The following EVPLL variants were observed in gnomAD, a reference collection of about 807,000 sequenced individuals.
EVPLL encodes the protein envoplakin-like protein.
Under a neutral mutation model 46.2 loss-of-function variants are expected in EVPLL, and 39 were observed. The observed-to-expected ratio is 0.84, with a 90% CI of 0.65 to 1.10. EVPLL has a LOEUF of 1.10. Ranked by LOEUF, EVPLL falls within the 50% of genes least tolerant of loss-of-function variation. The probability of loss-of-function intolerance (pLI) is 0.00; values close to 1 mark genes in which losing one functional copy is unlikely to be tolerated. For synonymous variants in EVPLL, 156 were observed against 165.8 expected, an observed-to-expected ratio of 0.94 and a Z score of 0.46; for missense variants, 385 against 412.6, an observed-to-expected ratio of 0.93 and a Z score of 0.58.
chr17:18,382,922 G>C, intron 6 of EVPLL, 58 bp downstream of exon 6: 2 of 1,598,768 alleles, frequency 1.3e-6, no homozygotes, highest in Non-Finnish European at 1.7e-6. Context: ...TGGCCGCCCG[G>C]ACCCTGCCCG....
rs953326948 is a variant in EVPLL at position 18,388,065 on chromosome 17, A to T, written c.877-154A>T. ...ATACATATATATGTATATATATATA[A>T]AATTTATTTATAGTGTGTGTAATGG... On this transcript the variant is annotated intron_variant, in intron 9 of 10. Transcript: ENST00000399134. The T allele has an allele frequency of 1.5e-3, 199 of 136,920 alleles. 1 individual carries two copies. The highest frequency in any genetic ancestry group is 2.4e-3 in the Middle Eastern group (1 of 424). 8.5% of individuals were successfully genotyped at this position (136,920 alleles called of 1,614,324 possible).
intron 10 of EVPLL, 98 bp from the exon 11 acceptor site, chr17:18,388,759 C>T (rs9895454): frequency 0.25 from 37,647 of 152,890 alleles, 5,010 homozygotes; most frequent in African/African-American, 0.34. Flanking sequence ...TGAACACCAC[C>T]GCTCAGGGGT....
intron 4 of EVPLL, 45 bp from the exon 5 acceptor site, chr17:18,382,468 C>G: frequency 6.5e-7 from 1 of 1,548,844 alleles, no homozygotes; most frequent in Non-Finnish European, 8.7e-7. Flanking sequence ...TTCTCTGGCT[C>G]TCCACCCTGG....
chr17:18,382,668 G>T, intron 5 of EVPLL, 30 bp downstream of exon 5: 1 of 1,552,280 alleles, frequency 6.4e-7, no homozygotes, highest in Non-Finnish European at 8.7e-7. Context: ...GTTACATCCG[G>T]GGCCAGCCCC....
intron 4 of EVPLL, chr17:18,382,252 G>T (rs558514171): frequency 2.8e-5 from 12 of 425,658 alleles, no homozygotes; most frequent in African/African-American, 2.2e-4. Context: ...GCAGGATGGA[G>T]CTGGAGACTT....
Position 18,381,095 on chromosome 17 carries a change from ATGG to A in EVPLL, c.63+98_63+100del, listed in dbSNP as rs1987553020. Reference sequence around the variant, plus strand: ...GGCACTCCCTGAGTGCCCCCTGGTGATGGTGAAGATGGGACAGATGACATTTGT... The same window carrying A: ...GGCACTCCCTGAGTGCCCCCTGGTGATGAAGATGGGACAGATGACATTTGT... On this transcript the variant is annotated intron_variant, in intron 2 of 10. Coordinates refer to ENST00000399134, the MANE Select transcript of EVPLL (RefSeq NM_001145127.2). The surrounding 1 kb of genome is among the most constrained non-coding windows in gnomAD (Gnocchi z 4.2). 7.0e-7 allele frequency: 1 copy of A among 1,424,808 alleles called. No homozygotes were observed. Among genetic ancestry groups the A allele is most frequent in the Non-Finnish European group, 9.6e-7 (1 of 1,036,326 alleles). The allele number at this position is 1,424,808 out of a possible 1,614,324, so 88.3% of individuals were successfully genotyped here.
Position 18,381,912 on chromosome 17 carries a change from G to A in EVPLL, c.346+182G>A. On this transcript the variant is annotated intron_variant, in intron 4 of 10. Transcript: ENST00000399134. The surrounding 1 kb of genome is among the most constrained non-coding windows in gnomAD (Gnocchi z 4.2). ...CTTCCTGTAGGAGGAGGCACATGAA[G>A]AGACCTCAGAGGGGTGAGAGGGCTC... 1.0e-6 allele frequency: 1 copy of A among 966,558 alleles called. No individual in the cohort carries two copies. Among genetic ancestry groups the A allele is most frequent in the East Asian group, 2.6e-5 (1 of 38,110 alleles). 59.9% of individuals were successfully genotyped at this position (966,558 alleles called of 1,614,324 possible). A position where few individuals can be genotyped will look rare whatever the true frequency, so the allele number is the denominator to read the frequency against.
Position 18,383,026 on chromosome 17 carries a change from G to C in EVPLL, c.513G>C (p.Glu171Asp). The C allele has an allele frequency of 1.9e-6, 3 of 1,558,670 alleles. No homozygotes were observed. The highest frequency in any genetic ancestry group is 2.6e-6 in the Non-Finnish European group (3 of 1,157,774). The part of the protein sequence containing the change: ...HHPEPIPRPT[E>D]GGVVARAEPG... ...GCTGGCGGCGGGTCCTGAGCACAGAGGGCGGCGTCGTGGCGCGGGCAGAGC... is the reference window on the plus strand; with the variant it reads ...GCTGGCGGCGGGTCCTGAGCACAGACGGCGGCGTCGTGGCGCGGGCAGAGC... Residue 171 changes from glutamate to aspartate, a missense_variant and splice_region_variant, in exon 7 of 11, where the codon GAG becomes GAC. Physicochemically the swap from Glu to Asp is conservative, Grantham distance 45. Transcript: ENST00000399134.
chr17:18,381,060 C>T lies in EVPLL; in HGVS notation c.63+60C>T. On this transcript the variant is annotated intron_variant, in intron 2 of 10. Transcript: ENST00000399134. The surrounding 1 kb of genome is among the most constrained non-coding windows in gnomAD (Gnocchi z 4.2). The stretch of plus-strand genomic sequence containing the variant: ...AGGCTGGGTGGCATGGGAGGCCCAT[C>T]ATCAGGCCTGGCACTCCCTGAGTGC... The T allele has an allele frequency of 1.3e-6, 2 of 1,540,838 alleles. No homozygotes were observed. The highest frequency in any genetic ancestry group is 2.1e-4 in the Middle Eastern group (1 of 4,722).
intron 9 of EVPLL, among the ~76,000 whole-genome samples, chr17:18,384,868 C>G (rs893415442): frequency 2.6e-5 from 4 of 152,138 alleles, no homozygotes; most frequent in African/African-American, 7.2e-5. Context: ...GGTGCTCCTC[C>G]CACTCACTGG....
At position 18,383,304 on chromosome 17, in the gene EVPLL, C is replaced by T. The variant is rs1478451902; in HGVS notation, c.706C>T (p.Gln236Ter). 1 of 1,602,236 alleles carries T rather than the reference C, an allele frequency of 6.2e-7. No individual in the cohort carries two copies. Among genetic ancestry groups the T allele is most frequent in the African/African-American group, 1.3e-5 (1 of 74,678 alleles). The change falls in exon 8 of 11, where the codon CAG becomes TAG. Residue 236 changes from glutamine to a stop codon, truncating the protein, a stop_gained. Coordinates refer to ENST00000399134, the MANE Select transcript of EVPLL (RefSeq NM_001145127.2). LOFTEE classifies it high-confidence loss of function. ...GCAGCACGAGCTGCTGAGCCAGGAGCAGAGCGTAAACCAGCTGGAGGAGGA... is the reference window on the plus strand; with the variant it reads ...GCAGCACGAGCTGCTGAGCCAGGAGTAGAGCGTAAACCAGCTGGAGGAGGA... ...FKQHELLSQEQSVNQLEEDGK... is the reference protein window; with the variant it reads ...FKQHELLSQE
chr17:18,382,670 GCCAGCC>G, intron 5 of EVPLL, 32 bp downstream of exon 5: 1 of 1,551,976 alleles, frequency 6.4e-7, no homozygotes, highest in Non-Finnish European at 8.7e-7. Context: ...TACATCCGGG[GCCAGCC>G]CCAGCCCCTG....
At chr17:18,382,917 G>A in intron 6 of EVPLL, 53 bp downstream of exon 6, 4 of 1,601,058 alleles carry the variant, frequency 2.5e-6, no homozygotes, top group Non-Finnish European at 3.4e-6. Flanking sequence ...CTGGGTGGCC[G>A]CCCGGACCCT....
chr17:18,379,276 C>T (rs1303371058), intron 1 of EVPLL, among the ~76,000 whole-genome samples: 2 of 152,320 alleles, frequency 1.3e-5, no homozygotes, highest in African/African-American at 2.4e-5. Context: ...TCCAGGGTGT[C>T]GAGATAAGCT....
At chr17:18,379,402 T>G (rs1987487138) in intron 1 of EVPLL, among the ~76,000 whole-genome samples, 1 of 152,182 alleles carries the variant, frequency 6.6e-6, no homozygotes, top group African/African-American at 2.4e-5. Flanking sequence ...TGGTTAAGAC[T>G]CTCAGCTAAC....
rs1362797336 is a variant in EVPLL, at chr17:18,382,594, G to A, written c.428G>A (p.Gly143Glu). 1.3e-6 allele frequency: 2 copies of A among 1,551,780 alleles called. No individual in the cohort carries two copies. The highest frequency in any genetic ancestry group is 1.2e-5 in the South Asian group (1 of 84,068). Reference protein sequence around the residue: ...TDRGAQHRAEGDQRPRRAAAE... With the variant: ...TDRGAQHRAEEDQRPRRAAAE... ...CGCGGAGCTCAACATCGTGCAGAAG[G>A]AGATCAACGACCAAGGAGAGCAGCT... The change falls in exon 5 of 11, where the codon GGA becomes GAA. Residue 143 changes from glycine to glutamate, a missense_variant. Coordinates refer to ENST00000399134, the MANE Select transcript of EVPLL (RefSeq NM_001145127.2).
intron 4 of EVPLL, 194 bp from the exon 5 acceptor site, chr17:18,382,316 ATGG>A: frequency 1.9e-6 from 1 of 535,270 alleles, no homozygotes; most frequent in East Asian, 3.7e-5. Flanking sequence ...CCACTGCAGA[ATGG>A]CCTCTGCAGT....
chr17:18,381,745 G>C lies in EVPLL; in HGVS notation c.346+15G>C. ...AGCAGAAACAGGTCAGGAGCTCAAA[G>C]TCACACCCCAGTGTGATCAGAGGGT... is the stretch of plus-strand genomic sequence containing the variant. On this transcript the variant is annotated intron_variant, in intron 4 of 10. Coordinates refer to ENST00000399134, the MANE Select transcript of EVPLL (RefSeq NM_001145127.2). This position sits in a 1 kb window ranked among gnomAD's most constrained non-coding sequence, Gnocchi z 4.2. 6.2e-7 allele frequency: 1 copy of C among 1,614,116 alleles called. No homozygotes were observed. Among genetic ancestry groups the C allele is most frequent in the Non-Finnish European group, 8.5e-7 (1 of 1,180,018 alleles).
chr17:18,382,931 C>T (rs1987634023), intron 6 of EVPLL, 67 bp downstream of exon 6: 3 of 1,594,542 alleles, frequency 1.9e-6, no homozygotes, highest in Non-Finnish European at 8.5e-7. Flanking sequence ...GGACCCTGCC[C>T]GGGGCCAGTG....
Sources: gnomAD v4.1 joint callset for allele counts (sites outside exome capture counted in the v4.1 genomes callset) on GRCh38, gnomAD v4.1.1 for gene constraint, Gnocchi (gnomAD v3.1) non-coding constraint, MANE v1.5 for transcripts, NCBI Gene and HGNC (gene_info 2026-07-23, HGNC 2026-07-21) for gene names.